MTF1: variants seen among roughly 807,000 people sequenced by gnomAD.
The protein encoded by MTF1 is MRE-binding transcription factor.
MTF1 carries 22 observed loss-of-function variants against 70.4 expected under a neutral mutation model. That is an observed-to-expected ratio of 0.31 (90% CI 0.22 to 0.45). The LOEUF (loss-of-function observed/expected upper bound fraction) is 0.45, where lower values mean the gene tolerates loss of function less well. Ranked by LOEUF, MTF1 falls within the 20% of genes least tolerant of loss-of-function variation. The pLI is 1.00. For missense variants in MTF1, 649 were observed against 922.0 expected, an observed-to-expected ratio of 0.70 and a Z score of 3.83; for synonymous variants, 333 against 352.8, an observed-to-expected ratio of 0.94 and a Z score of 0.63.
intron 7 of MTF1, chr1:37,828,226 G>A: frequency 2.5e-6 from 1 of 401,688 alleles, no homozygotes; most frequent in Non-Finnish European, 4.9e-6. Context: ...TCAGAATAGT[G>A]GTTGTCTGCA....
rs1640799866 is a variant in MTF1, at chr1:37,815,388, G to T, written c.2010C>A (p.Ser670Arg). 1 of 1,613,996 alleles carries T rather than the reference G, an allele frequency of 6.2e-7. No homozygotes were observed. Among genetic ancestry groups the T allele is most frequent in the African/African-American group, 1.3e-5 (1 of 74,894 alleles). Residue 670 changes from serine (S) to arginine (R), a missense_variant, in exon 11 of 11, where the codon AGC (serine) becomes AGA (arginine). This residue lies in a region of MTF1 where 138 missense variants were observed against 134.4 expected (regional missense o/e 1.03). Coordinates refer to ENST00000373036, the MANE Select transcript of MTF1 (RefSeq NM_005955.3). The surrounding 1 kb of genome is among the most constrained non-coding windows in gnomAD (Gnocchi z 4.5). ...AGAAAGTCTGCGCTGGGAGCTGCAG[G>T]CTGGGCCCATCAGGAGCCTGGGGGC... is the stretch of plus-strand genomic sequence containing the variant. ...EPSPQAPDGP[S>R]LQLPAQTFSS...
chr1:37,815,412 G>T lies in MTF1; in HGVS notation c.1986C>A (p.Ser662Arg). ...GCSSPPPPEP[S>R]PQAPDGPSLQ... ...GGCTGGGCCCATCAGGAGCCTGGGG[G>T]CTCGGCTCTGGAGGGGGTGGGGAGG... The change falls in exon 11 of 11, where the codon AGC (serine) becomes AGA (arginine). Residue 662 changes from serine (S) to arginine (R), a missense_variant. Physicochemically the swap from Ser to Arg is moderately radical, Grantham distance 110. This residue lies in a region of MTF1 where 138 missense variants were observed against 134.4 expected (regional missense o/e 1.03). Transcript: ENST00000373036. The surrounding 1 kb of genome is among the most constrained non-coding windows in gnomAD (Gnocchi z 4.5). 1.9e-6 allele frequency: 3 copies of T among 1,613,826 alleles called. No individual in the cohort carries two copies. Among genetic ancestry groups the T allele is most frequent in the Non-Finnish European group, 2.5e-6 (3 of 1,179,874 alleles).
At chr1:37,839,024 G>A (rs1228402699) in intron 3 of MTF1, among the ~76,000 whole-genome samples, 2 of 151,686 alleles carry the variant, frequency 1.3e-5, no homozygotes, top group East Asian at 1.9e-4. Context: ...GGCTGGTCTC[G>A]AACTCCTGAC....
chr1:37,836,491 G>A (rs1276743711), intron 4 of MTF1, among the ~76,000 whole-genome samples: 1 of 152,134 alleles, frequency 6.6e-6, no homozygotes, highest in South Asian at 2.1e-4. Context: ...AATCTTGTGT[G>A]TCGAGATCTA....
At chr1:37,823,634 G>A (rs1245981567) in intron 8 of MTF1, 76 bp downstream of exon 8, 23 of 1,130,854 alleles carry the variant, frequency 2.0e-5, no homozygotes, top group Non-Finnish European at 3.1e-5. Context: ...ACGCTAACTA[G>A]AATGATTCAT....
At chr1:37,850,727 T>C (rs1228952081) in intron 2 of MTF1, among the ~76,000 whole-genome samples, 1 of 152,152 alleles carries the variant, frequency 6.6e-6, no homozygotes, top group East Asian at 1.9e-4. Context: ...GGTTGGTTTA[T>C]TTTTTGCGCA....
Position 37,826,206 on chromosome 1 carries a change from G to A in MTF1, c.1069-2394C>T, listed in dbSNP as rs149374585. Among the ~76,000 whole-genome samples, 7 of 152,302 alleles carry A rather than the reference G, an allele frequency of 4.6e-5. No homozygotes were observed. The East Asian group carries it at 1.3e-3, about 29-fold the overall frequency. On this transcript the variant is annotated intron_variant, in intron 7 of 10. Transcript: ENST00000373036. ...TCACTTTGGGATTGGGTAGAAGTGT[G>A]GTGATGAGTGGGGCTGTCCACCAAT...
chr1:37,822,726 A>G lies in MTF1; in HGVS notation c.1172-10T>C. On this transcript the variant is annotated splice_polypyrimidine_tract_variant and intron_variant, in intron 8 of 10. Transcript: ENST00000373036. ...CTTTCAGTCAAGGAAGCTGGCAAGAAAAAGAAATAGAAATATATATACATA... is the reference window on the plus strand; with the variant it reads ...CTTTCAGTCAAGGAAGCTGGCAAGAGAAAGAAATAGAAATATATATACATA... 3 of 1,586,260 alleles carry G rather than the reference A, an allele frequency of 1.9e-6. No homozygotes were observed. Among genetic ancestry groups the G allele is most frequent in the Non-Finnish European group, 2.6e-6 (3 of 1,159,330 alleles).
chr1:37,822,233 A>G lies in MTF1; in HGVS notation c.1655T>C (p.Ile552Thr), dbSNP rs751731555. The part of the protein sequence containing the change: ...SVLTNNPTIT[I>T]TPTPNTAILQ... ...GATAGCTGTGTTGGGAGTTGGGGTG[A>G]TGGTTATTGTGGGATTATTAGTTAG... The change falls in exon 9 of 11, where the codon ATC (isoleucine) becomes ACC (threonine). Residue 552 changes from isoleucine (I) to threonine (T), a missense_variant. By Grantham distance (89) the Ile-to-Thr change is moderately conservative. Around this residue, in one of 7 missense-constraint regions of MTF1, gnomAD observed 267 missense variants for 292.1 expected, o/e 0.91. Transcript: ENST00000373036. The G allele has an allele frequency of 6.2e-7, 1 of 1,614,088 alleles. No homozygotes were observed. The highest frequency in any genetic ancestry group is 8.5e-7 in the Non-Finnish European group (1 of 1,180,022).
At chr1:37,823,174 G>A (rs778937625) in intron 8 of MTF1, among the ~76,000 whole-genome samples, 2 of 152,124 alleles carry the variant, frequency 1.3e-5, no homozygotes, top group African/African-American at 2.4e-5. Flanking sequence ...GGTGGCTCAC[G>A]CCTGTAGTCT....
rs116607430 is a variant in MTF1, at chr1:37,857,796, T to G, written c.-51-87A>C. The stretch of plus-strand genomic sequence containing the variant: ...CCACAAGGCTCATTTTCCCTCTCAC[T>G]TAAAGAGCAAGCCAAAGCAAATGAA... On this transcript the variant is annotated intron_variant, in intron 1 of 10. Coordinates refer to ENST00000373036, the MANE Select transcript of MTF1 (RefSeq NM_005955.3). The G allele has an allele frequency of 2.5e-3, 1,876 of 746,498 alleles. 27 individuals carry two copies. In the African/African-American group the frequency reaches 0.03, roughly 12 times the overall value. The allele number at this position is 746,498 out of a possible 1,614,324, so 46.2% of individuals were successfully genotyped here.
At chr1:37,851,955 G>A (rs562188870) in intron 2 of MTF1, among the ~76,000 whole-genome samples, 2 of 151,698 alleles carry the variant, frequency 1.3e-5, no homozygotes, top group East Asian at 3.9e-4. Context: ...TTCAGCCCCA[G>A]TGCTCTGCTG....
chr1:37,840,695 G>A lies in MTF1; in HGVS notation c.409-537C>T, dbSNP rs1408844598. Among the ~76,000 whole-genome samples the A allele has an allele frequency of 6.6e-6, 1 of 152,032 alleles. No homozygotes were observed. Among genetic ancestry groups the A allele is most frequent in the South Asian group, 2.1e-4 (1 of 4,816 alleles). ...AATTTCTTGGAAGATTTGGTGATGTGATAATTCTCAAACTGCCAGCCTCTT... is the reference window on the plus strand; with the variant it reads ...AATTTCTTGGAAGATTTGGTGATGTAATAATTCTCAAACTGCCAGCCTCTT... On this transcript the variant is annotated intron_variant, in intron 2 of 10. Transcript: ENST00000373036. The surrounding 1 kb of genome is among the most constrained non-coding windows in gnomAD (Gnocchi z 4.5).
chr1:37,841,569 GA>G, intron 2 of MTF1: 1 of 184,850 alleles, frequency 5.4e-6, no homozygotes, highest in Non-Finnish European at 1.2e-5. Context: ...CTGATCTCTG[GA>G]AAAAGACTGT....
chr1:37,826,621 T>C lies in MTF1; in HGVS notation c.1069-2809A>G, dbSNP rs1287968418. On this transcript the variant is annotated intron_variant, in intron 7 of 10. Transcript: ENST00000373036. ...AGCTGAAGGAGGGGAAATTCAGTGA[T>C]TCCTTTTTTTTTTTTTCTTCATTTC... The C allele has an allele frequency of 1.9e-5, 8 of 430,936 alleles. No homozygotes were observed. The East Asian group carries it at 2.8e-4, about 15-fold the overall frequency. 26.7% of individuals were successfully genotyped at this position (430,936 alleles called of 1,614,324 possible).
intron 8 of MTF1, 28 bp from the exon 9 acceptor site, chr1:37,822,744 T>G: frequency 6.6e-7 from 1 of 1,519,050 alleles, no homozygotes. Context: ...TAGAAATATA[T>G]ATACATATCC....
At chr1:37,816,283 C>A (rs1398463924) in intron 10 of MTF1, among the ~76,000 whole-genome samples, 1 of 152,092 alleles carries the variant, frequency 6.6e-6, no homozygotes, top group Non-Finnish European at 1.5e-5. Flanking sequence ...TGTATGTAAT[C>A]CCTGTACTTT....
chr1:37,839,406 T>C (rs574482594), intron 3 of MTF1, among the ~76,000 whole-genome samples: 171 of 152,266 alleles, frequency 1.1e-3, no homozygotes, highest in South Asian at 2.1e-3. Flanking sequence ...TAGCACACAG[T>C]GAGTATTTTT....
intron 3 of MTF1, 106 bp from the exon 4 acceptor site, chr1:37,838,862 T>C (rs971934788): frequency 4.3e-6 from 4 of 923,828 alleles, no homozygotes; most frequent in Non-Finnish European, 5.8e-6. Context: ...TGGAGTGCAA[T>C]GGCGCAGTCT....
Sources: gnomAD v4.1 joint callset for allele counts (sites outside exome capture counted in the v4.1 genomes callset) on GRCh38, gnomAD v4.1.1 for gene constraint, gnomAD v4.1.1 regional missense constraint, Gnocchi (gnomAD v3.1) non-coding constraint, MANE v1.5 for transcripts, NCBI Gene and HGNC (gene_info 2026-07-23, HGNC 2026-07-21) for gene names.